Variants in TRAPPC11 observed in about 807,000 individuals in gnomAD.
TRAPPC11 encodes the protein trafficking protein particle complex subunit 11, also known as foie gras homolog.
A neutral mutation model predicts 151.2 loss-of-function variants in TRAPPC11; 104 were observed. The observed-to-expected ratio is 0.69, with a 90% confidence interval of 0.59 to 0.81. TRAPPC11 has a LOEUF of 0.81. TRAPPC11 is among the 30% of genes least tolerant of loss of function. The pLI is 0.00. For synonymous variants in TRAPPC11, 456 were observed against 472.3 expected, an observed-to-expected ratio of 0.97 and a Z score of 0.45; for missense variants, 1,230 against 1,349.6, an observed-to-expected ratio of 0.91 and a Z score of 1.39.
At chr4:183,665,142 T>TG (rs1415532201) in intron 2 of TRAPPC11, among the ~76,000 whole-genome samples, 2 of 140,648 alleles carry the variant, frequency 1.4e-5, no homozygotes, top group African/African-American at 5.3e-5. Context: ...TCCCCGAGGC[T>TG]GGAGTGCTGT....
At chr4:183,698,072 G>A (rs1323375050) in intron 25 of TRAPPC11, among the ~76,000 whole-genome samples, 1 of 152,026 alleles carries the variant, frequency 6.6e-6, no homozygotes, top group Non-Finnish European at 1.5e-5. Context: ...CTCTAAGGGA[G>A]TTATACTTTG....
chr4:183,674,885 T>G, intron 6 of TRAPPC11, 73 bp downstream of exon 6: 11 of 887,100 alleles, frequency 1.2e-5, no homozygotes, highest in South Asian at 1.2e-4. Context: ...TTATTACATG[T>G]TCTTAATACT....
chr4:183,691,313 C>T lies in TRAPPC11; in HGVS notation c.1894-3C>T. The T allele has an allele frequency of 6.7e-7, 1 of 1,483,028 alleles. No individual in the cohort carries two copies. Among genetic ancestry groups the T allele is most frequent in the Non-Finnish European group, 9.1e-7 (1 of 1,103,844 alleles). The allele number at this position is 1,483,028 out of a possible 1,614,324, so 91.9% of individuals were successfully genotyped here. A position where few individuals can be genotyped will look rare whatever the true frequency, so the allele number is the denominator to read the frequency against. On this transcript the variant is annotated splice_polypyrimidine_tract_variant and splice_region_variant and intron_variant, in intron 18 of 29. Coordinates refer to ENST00000334690, the MANE Select transcript of TRAPPC11 (RefSeq NM_021942.6). ...TTTGATGACCCCTGTTCACCTTTTTCAGGAATACAACCAGTTCTGTGTAAT... is the reference window on the plus strand; with the variant it reads ...TTTGATGACCCCTGTTCACCTTTTTTAGGAATACAACCAGTTCTGTGTAAT...
chr4:183,696,015 T>C (rs528313721), intron 23 of TRAPPC11, among the ~76,000 whole-genome samples: 2 of 152,180 alleles, frequency 1.3e-5, no homozygotes, highest in African/African-American at 2.4e-5. Context: ...AATCTGAAAA[T>C]TCAAAATCCA....
chr4:183,708,876 CA>C (rs1331075800), intron 29 of TRAPPC11, among the ~76,000 whole-genome samples: 3 of 152,102 alleles, frequency 2.0e-5, no homozygotes, highest in Non-Finnish European at 4.4e-5. Context: ...AGTATTTCAT[CA>C]AAATGAATTA....
intron 25 of TRAPPC11, among the ~76,000 whole-genome samples, chr4:183,699,872 T>C (rs1414398161): frequency 1.3e-5 from 2 of 152,108 alleles, no homozygotes; most frequent in African/African-American, 4.8e-5. Flanking sequence ...TCACCCAGGC[T>C]GGAGTGCAGT....
At position 183,699,918 on chromosome 4, in the gene TRAPPC11, G is replaced by A. The variant is rs544174079; in HGVS notation, c.2852-1779G>A. Among the ~76,000 whole-genome samples, 5 of 151,716 alleles carry A rather than the reference G, an allele frequency of 3.3e-5. No individual in the cohort carries two copies. The South Asian group carries it at 6.3e-4, about 19-fold the overall frequency. ...CGGCTTACTGCAAGCTCTGCCTCCC[G>A]GGTTCATGCCATTCTCCTGCCTCAG... On this transcript the variant is annotated intron_variant, in intron 25 of 29. Coordinates refer to ENST00000334690, the MANE Select transcript of TRAPPC11 (RefSeq NM_021942.6).
intron 10 of TRAPPC11, 126 bp downstream of exon 10, chr4:183,680,393 A>C: frequency 9.5e-7 from 1 of 1,047,900 alleles, no homozygotes. Flanking sequence ...TATTTTTTAT[A>C]GCTTTAGGAA....
At chr4:183,675,111 T>G in intron 6 of TRAPPC11, 53 bp from the exon 7 acceptor site, 1 of 962,386 alleles carries the variant, frequency 1.0e-6, no homozygotes. Context: ...ACATTATAAT[T>G]TTCACATTTT....
intron 7 of TRAPPC11, 113 bp from the exon 8 acceptor site, chr4:183,677,345 G>T: frequency 1.4e-6 from 1 of 707,494 alleles, no homozygotes; most frequent in South Asian, 1.6e-5. Context: ...TGACATTATT[G>T]AGCTGTTGAG....
rs79588920 is a variant in TRAPPC11 at position 183,690,613 on chromosome 4, G to T, written c.1894-703G>T. 8.5e-4 allele frequency among the ~76,000 whole-genome samples: 130 copies of T among 152,262 alleles called. 1 individual carries two copies. The East Asian group carries it at 0.016, about 18-fold the overall frequency. On this transcript the variant is annotated intron_variant, in intron 18 of 29. Transcript: ENST00000334690. ...TACTAGCAACAATGGTATGGTGAACGTGGAAACAAATACATTTCCAATGAA... is the reference window on the plus strand; with the variant it reads ...TACTAGCAACAATGGTATGGTGAACTTGGAAACAAATACATTTCCAATGAA...
chr4:183,664,635 T>C (rs1734747425), intron 2 of TRAPPC11, among the ~76,000 whole-genome samples: 1 of 152,182 alleles, frequency 6.6e-6, no homozygotes, highest in Non-Finnish European at 1.5e-5. Context: ...GACTTTACCT[T>C]AGATAATAAT....
chr4:183,701,549 T>C (rs766542819), intron 25 of TRAPPC11, 148 bp from the exon 26 acceptor site: 1 of 579,332 alleles, frequency 1.7e-6, no homozygotes, highest in Non-Finnish European at 3.1e-6. Context: ...GAAAAAGTCA[T>C]TTAACATCTC....
chr4:183,712,213 A>G (rs974510471), intron 29 of TRAPPC11, among the ~76,000 whole-genome samples: 2 of 152,256 alleles, frequency 1.3e-5, no homozygotes, highest in Non-Finnish European at 2.9e-5. Flanking sequence ...GAGAGAGAAT[A>G]AAACTATCAG....
chr4:183,694,663 T>C lies in TRAPPC11; in HGVS notation c.2568T>C (p.Tyr856=). The change falls in exon 23 of 30, where the codon TAT becomes TAC. Residue 856 remains tyrosine (Y), a synonymous_variant. Coordinates refer to ENST00000334690, the MANE Select transcript of TRAPPC11 (RefSeq NM_021942.6). ...GTVGSRMFLV[Y]VSYLINTTVE... Reference sequence around the variant, plus strand: ...TGGGTTCCAGAATGTTTCTTGTATATGTTTCTTACCTGATAAATACAACCG... The same window carrying C: ...TGGGTTCCAGAATGTTTCTTGTATACGTTTCTTACCTGATAAATACAACCG... The C allele has an allele frequency of 6.2e-7, 1 of 1,612,244 alleles. No individual in the cohort carries two copies. The highest frequency in any genetic ancestry group is 8.5e-7 in the Non-Finnish European group (1 of 1,179,524).
At position 183,712,665 on chromosome 4, in the gene TRAPPC11, CTGT is replaced by C. The variant is rs754732458; in HGVS notation, c.*26_*28del. 1.2e-6 allele frequency: 2 copies of C among 1,613,438 alleles called. No homozygotes were observed. The highest frequency in any genetic ancestry group is 2.2e-5 in the East Asian group (1 of 44,874). On this transcript the variant is annotated 3_prime_UTR_variant, in exon 30 of 30. Transcript: ENST00000334690. ...CATGATGTTCAAGACCGGCCCTTGG[CTGT>C]TGTTACAGAGATGTTGGGCAGAGCT...
Position 183,685,343 on chromosome 4 carries a change from C to G in TRAPPC11, c.1702C>G (p.Arg568Gly). ...AACTGCTCAGAAGCTGTGGGCAGAC[C>G]GAATTTCTCTGGCTGGCAGCAATAT... ...VKTAQKLWAD[R>G]ISLAGSNIFT... Residue 568 changes from arginine to glycine, a missense_variant, in exon 17 of 30, where the codon CGA (arginine) becomes GGA (glycine). Arg to Gly is a moderately radical substitution (Grantham distance 125). Coordinates refer to ENST00000334690, the MANE Select transcript of TRAPPC11 (RefSeq NM_021942.6). 6.2e-7 allele frequency: 1 copy of G among 1,614,064 alleles called. No homozygotes were observed. Among genetic ancestry groups the G allele is most frequent in the South Asian group, 1.1e-5 (1 of 91,078 alleles).
At chr4:183,708,870 T>G (rs1277622063) in intron 29 of TRAPPC11, among the ~76,000 whole-genome samples, 1 of 152,246 alleles carries the variant, frequency 6.6e-6, no homozygotes, top group Non-Finnish European at 1.5e-5. Context: ...GTAACTAGTA[T>G]TTCATCAAAA....
chr4:183,678,368 C>T (rs1735516891), intron 8 of TRAPPC11, among the ~76,000 whole-genome samples: 1 of 152,142 alleles, frequency 6.6e-6, no homozygotes, highest in South Asian at 2.1e-4. Context: ...CTTAAAGATG[C>T]CTGACTCTGT....
Sources: gnomAD v4.1 joint callset for allele counts (sites outside exome capture counted in the v4.1 genomes callset) on GRCh38, gnomAD v4.1.1 for gene constraint, MANE v1.5 for transcripts, NCBI Gene and HGNC (gene_info 2026-07-23, HGNC 2026-07-21) for gene names.